GRIA1: variants seen among roughly 807,000 people sequenced by gnomAD.
GRIA1 encodes glutamate ionotropic receptor AMPA type subunit 1, also known as glutamate receptor 1.
In GRIA1, 31 loss-of-function variants were observed where a neutral mutation model predicts 99.2. That is an observed-to-expected ratio of 0.31 (90% CI 0.23 to 0.42). The LOEUF is 0.42. GRIA1 is among the 10% of genes least tolerant of loss of function. The probability of loss-of-function intolerance (pLI) is 1.00; values close to 1 mark genes in which losing one functional copy is unlikely to be tolerated. For missense variants in GRIA1, 782 were observed against 1,157.5 expected (o/e 0.68, Z 4.71); for synonymous variants, 438 against 432.4 (o/e 1.01, Z -0.16).
chr5:153,776,872 A>T (rs562632512), intron 13 of GRIA1, among the ~76,000 whole-genome samples: 1 of 152,330 alleles, frequency 6.6e-6, no homozygotes, highest in African/African-American at 2.4e-5. Context: ...ACATGCTTGT[A>T]TCTTCCATGA....
chr5:153,526,988 A>G (rs942838864), intron 2 of GRIA1, among the ~76,000 whole-genome samples: 4 of 152,246 alleles, frequency 2.6e-5, no homozygotes, highest in African/African-American at 4.8e-5. Context: ...AGAGACTAGC[A>G]CTTGGTGGGT....
intron 5 of GRIA1, among the ~76,000 whole-genome samples, chr5:153,658,156 C>T (rs1755088898): frequency 6.6e-6 from 1 of 152,142 alleles, no homozygotes. Context: ...AACTCCAGGT[C>T]ATCTCTCAGT....
In GRIA1 at chr5:153,813,671, C is replaced by T. The variant is rs1180464728; in HGVS notation, c.*2446C>T. 13 of 152,162 alleles carry T rather than the reference C, an allele frequency of 8.5e-5. No individual in the cohort carries two copies. The allele number at this position is 152,162 out of a possible 1,614,324, so 9.4% of individuals were successfully genotyped here. ...CAGTTCTGGCTTTCATTAAATTTTGCTCTTTGGTACCTGGGCCTTTTATTT... is the reference window on the plus strand; with the variant it reads ...CAGTTCTGGCTTTCATTAAATTTTGTTCTTTGGTACCTGGGCCTTTTATTT... On this transcript the variant is annotated 3_prime_UTR_variant, in exon 16 of 16. Transcript: ENST00000285900.
chr5:153,707,637 G>A (rs540281228), intron 11 of GRIA1, among the ~76,000 whole-genome samples: 1 of 152,244 alleles, frequency 6.6e-6, no homozygotes, highest in South Asian at 2.1e-4. Context: ...ACATGTGCTG[G>A]AGGCATCTTT....
chr5:153,650,777 T>C (rs2149458610), intron 4 of GRIA1, among the ~76,000 whole-genome samples: 1 of 145,762 alleles, frequency 6.9e-6, no homozygotes, highest in South Asian at 2.2e-4. Flanking sequence ...AAAAAAAAAA[T>C]GCTGGATGCA....
intron 2 of GRIA1, among the ~76,000 whole-genome samples, chr5:153,496,166 C>T (rs1412748097): frequency 2.0e-5 from 3 of 152,176 alleles, no homozygotes; most frequent in Non-Finnish European, 4.4e-5. Flanking sequence ...GTCTTGTTAT[C>T]TCAGCAACCT....
At chr5:153,649,552 G>T (rs1754398761) in intron 3 of GRIA1, among the ~76,000 whole-genome samples, 1 of 152,158 alleles carries the variant, frequency 6.6e-6, no homozygotes, top group African/African-American at 2.4e-5. Context: ...CTGCCTCCCA[G>T]GTTCAAGCAA....
intron 2 of GRIA1, among the ~76,000 whole-genome samples, chr5:153,552,190 A>C (rs1032689988): frequency 6.6e-5 from 10 of 152,080 alleles, no homozygotes; most frequent in Admixed American, 2.6e-4. Context: ...TGCGATCAAC[A>C]TTACAAAAAA....
At chr5:153,596,787 C>G (rs1764471669) in intron 2 of GRIA1, among the ~76,000 whole-genome samples, 1 of 152,222 alleles carries the variant, frequency 6.6e-6, no homozygotes, top group Non-Finnish European at 1.5e-5. Flanking sequence ...GCCAGTTATT[C>G]TCCTTCCTTT....
chr5:153,669,486 C>T (rs1236313541), intron 5 of GRIA1, among the ~76,000 whole-genome samples: 1 of 152,136 alleles, frequency 6.6e-6, no homozygotes, highest in Non-Finnish European at 1.5e-5. Flanking sequence ...CATAACAAAG[C>T]TTCAACAAAT....
chr5:153,759,274 A>G (rs915022295), intron 11 of GRIA1, among the ~76,000 whole-genome samples: 1 of 151,810 alleles, frequency 6.6e-6, no homozygotes, highest in Non-Finnish European at 1.5e-5. Context: ...AAAAGCTCAA[A>G]AAGAGTTGCT....
chr5:153,711,838 A>G (rs1759336636), intron 11 of GRIA1, among the ~76,000 whole-genome samples: 1 of 152,148 alleles, frequency 6.6e-6, no homozygotes, highest in African/African-American at 2.4e-5. Context: ...AGAGGGTGCT[A>G]GGAGAATGGA....
At chr5:153,656,050 C>A (rs1209233999) in intron 5 of GRIA1, among the ~76,000 whole-genome samples, 178 bp downstream of exon 5, 1 of 152,138 alleles carries the variant, frequency 6.6e-6, no homozygotes, top group Non-Finnish European at 1.5e-5. Flanking sequence ...CATCAAACCA[C>A]AACACACTAT....
At chr5:153,757,478 G>T (rs1762909189) in intron 11 of GRIA1, among the ~76,000 whole-genome samples, 1 of 152,106 alleles carries the variant, frequency 6.6e-6, no homozygotes, top group African/African-American at 2.4e-5. Flanking sequence ...ACCCAAATAA[G>T]ACTATCTCAG....
intron 11 of GRIA1, among the ~76,000 whole-genome samples, chr5:153,722,416 C>A (rs1244373232): frequency 2.0e-5 from 3 of 152,060 alleles, no homozygotes; most frequent in Non-Finnish European, 1.5e-5. Context: ...TAAAGATATT[C>A]TTTTATAGTT....
rs1353277330 is a variant in GRIA1, at chr5:153,692,069, G to A, written c.1134+5740G>A. The stretch of plus-strand genomic sequence containing the variant: ...CTTTGCATTCCTTGAGCACAGCCTC[G>A]CACTTTCCTCAAGTCACTTGCATAT... On this transcript the variant is annotated intron_variant, in intron 8 of 15. Coordinates refer to ENST00000285900, the MANE Select transcript of GRIA1 (RefSeq NM_000827.4). Among the ~76,000 whole-genome samples, 5 of 152,130 alleles carry A rather than the reference G, an allele frequency of 3.3e-5. No individual in the cohort carries two copies. The South Asian group carries it at 6.2e-4, about 19-fold the overall frequency.
At chr5:153,660,344 C>A (rs113894201) in intron 5 of GRIA1, among the ~76,000 whole-genome samples, 3 of 152,174 alleles carry the variant, frequency 2.0e-5, no homozygotes, top group Non-Finnish European at 4.4e-5. Context: ...TCAATTAAAC[C>A]TTCCCAATAG....
At chr5:153,655,173 T>C (rs1026599121) in intron 4 of GRIA1, among the ~76,000 whole-genome samples, 5 of 152,238 alleles carry the variant, frequency 3.3e-5, no homozygotes, top group African/African-American at 4.8e-5. Context: ...ACAGTGAGAG[T>C]TTGGACCAGA....
chr5:153,495,767 G>C (rs557075531), intron 2 of GRIA1, among the ~76,000 whole-genome samples: 89 of 152,256 alleles, frequency 5.8e-4, no homozygotes, highest in African/African-American at 2.0e-3. Flanking sequence ...TGGGAATCTA[G>C]AATAATACTG....
Sources: gnomAD v4.1 joint callset for allele counts (sites outside exome capture counted in the v4.1 genomes callset) on GRCh38, gnomAD v4.1.1 for gene constraint, MANE v1.5 for transcripts, NCBI Gene and HGNC (gene_info 2026-07-23, HGNC 2026-07-21) for gene names.